Variants in FAT2 observed in about 807,000 individuals in gnomAD.
The protein encoded by FAT2 is FAT atypical cadherin 2, also known as protocadherin Fat 2.
A neutral mutation model predicts 295.3 loss-of-function variants in FAT2; 150 were observed. The ratio of observed to expected loss-of-function variants is 0.51; its 90% CI spans 0.44 to 0.58. The LOEUF is 0.58. FAT2 is among the 20% of genes least tolerant of loss of function. FAT2 has a pLI of 0.00. For missense variants in FAT2, 4,868 were observed against 5,442.7 expected (o/e 0.89, Z 3.32); for synonymous variants, 2,026 against 2,150.3 (o/e 0.94, Z 1.60).
chr5:151,544,200 A>G lies in FAT2; in HGVS notation c.6927T>C (p.Tyr2309=), dbSNP rs1375319201. The G allele has an allele frequency of 2.5e-6, 4 of 1,614,194 alleles. No homozygotes were observed. Among genetic ancestry groups the G allele is most frequent in the Non-Finnish European group, 3.4e-6 (4 of 1,180,038 alleles). Residue 2309 remains tyrosine (Y), a synonymous_variant, in exon 10 of 24, where the codon TAT becomes TAC. Coordinates refer to ENST00000261800, the MANE Select transcript of FAT2 (RefSeq NM_001447.3). ...QDSGRNRDVS[Y]QIVEDGSDVS... is the part of the protein sequence containing the mutation. The stretch of plus-strand genomic sequence containing the variant: ...CATCTGAGCCATCCTCCACAATCTG[A>G]TAAGAGACGTCACGGTTCCGCCCTG...
rs936095044 is a variant in FAT2 at position 151,521,178 on chromosome 5, G to A, written c.11317+98C>T. The A allele has an allele frequency of 1.8e-5, 24 of 1,315,026 alleles. No homozygotes were observed. The African/African-American group carries it at 3.5e-4, about 19-fold the overall frequency. 81.5% of individuals were successfully genotyped at this position (1,315,026 alleles called of 1,614,324 possible). A position where few individuals can be genotyped will look rare whatever the true frequency, so the allele number is the denominator to read the frequency against. On this transcript the variant is annotated intron_variant, in intron 19 of 23. Transcript: ENST00000261800. ...CCTTTGGGCTTATTAAAACTTCCCT[G>A]AACTCTCCCACAGAGCCTCAGTGGA...
rs1754343994 is a variant in FAT2, at chr5:151,529,282, T to C, written c.9922A>G (p.Met3308Val). The C allele has an allele frequency of 6.2e-7, 1 of 1,613,834 alleles. No homozygotes were observed. Among genetic ancestry groups the C allele is most frequent in the Non-Finnish European group, 8.5e-7 (1 of 1,179,826 alleles). ...TCATTGACATCAGTGATGTTGACCA[T>C]GACTGTGGTCACGTCACTGAGGGAA... ...SSSLSDVTTV[M>V]VNITDVNEHR... Residue 3308 changes from methionine to valine, a missense_variant, in exon 15 of 24, where the codon ATG becomes GTG. By Grantham distance (21) the Met-to-Val change is conservative (BLOSUM62 1). Transcript: ENST00000261800.
chr5:151,542,343 T>C lies in FAT2; in HGVS notation c.8784A>G (p.Leu2928=), dbSNP rs745384278. 67 of 1,613,812 alleles carry C rather than the reference T, an allele frequency of 4.2e-5. No homozygotes were observed. The highest frequency in any genetic ancestry group is 5.4e-5 in the Non-Finnish European group (64 of 1,179,910). ...NSEPGELVAT[L]KTLDADISEQ... ...CAGAAATGTCAGCATCCAGGGTCTT[T>C]AGAGTCGCCACCAGTTCGCCAGGCT... The change falls in exon 10 of 24, where the codon CTA becomes CTG. Residue 2928 remains leucine (L), a synonymous_variant. Coordinates refer to ENST00000261800, the MANE Select transcript of FAT2 (RefSeq NM_001447.3).
chr5:151,592,074 A>G (rs1030070025), upstream of FAT2, among the ~76,000 whole-genome samples: 8 of 152,362 alleles, frequency 5.3e-5, no homozygotes, highest in African/African-American at 1.9e-4. Context: ...TGTGCATCAC[A>G]AAGCACGGTG....
chr5:151,559,250 T>C (rs1757917823), intron 3 of FAT2, among the ~76,000 whole-genome samples: 1 of 152,122 alleles, frequency 6.6e-6, no homozygotes, highest in Non-Finnish European at 1.5e-5. Flanking sequence ...ATTCCGGCTT[T>C]TTCTTCCCTA....
Position 151,566,979 on chromosome 5 carries a change from G to A in FAT2, c.1953C>T (p.Pro651=). 6.2e-7 allele frequency: 1 copy of A among 1,614,052 alleles called. No individual in the cohort carries two copies. The highest frequency in any genetic ancestry group is 8.5e-7 in the Non-Finnish European group (1 of 1,179,982). Reference sequence around the variant, plus strand: ...TCACCACAGTAATATTCAAAGTTGTGGGTGAGGCATAGTTTTTGCCATCTG... The same window carrying A: ...TCACCACAGTAATATTCAAAGTTGTAGGTGAGGCATAGTTTTTGCCATCTG... ...TASDGKNYAS[P]TTLNITVVKD... is the part of the protein sequence containing the mutation. The change falls in exon 2 of 24, where the codon CCC becomes CCT. Residue 651 remains proline (P), a synonymous_variant. Transcript: ENST00000261800.
intron 20 of FAT2, among the ~76,000 whole-genome samples, chr5:151,514,555 C>T (rs1308807006): frequency 6.6e-6 from 1 of 152,218 alleles, no homozygotes; most frequent in Non-Finnish European, 1.5e-5. Context: ...TGCTCACGAG[C>T]CTCTCTTTAA....
chr5:151,588,013 T>C (rs192842267), intron 1 of FAT2, among the ~76,000 whole-genome samples: 2,261 of 152,266 alleles, frequency 0.015, 31 homozygotes, highest in Non-Finnish European at 0.018. Context: ...ATCTGTAAAA[T>C]GGGAGCAATG....
chr5:151,511,994 T>C, intron 21 of FAT2, 171 bp downstream of exon 21: 1 of 624,548 alleles, frequency 1.6e-6, no homozygotes, highest in Non-Finnish European at 2.8e-6. Context: ...GGAAGACTCC[T>C]GGCTTCCCCT....
At chr5:151,549,154 C>T (rs995628790) in intron 9 of FAT2, 141 bp downstream of exon 9, 4 of 719,890 alleles carry the variant, frequency 5.6e-6, no homozygotes, top group African/African-American at 1.8e-5. Flanking sequence ...TAGGTAGTCC[C>T]AGGGAATGCT....
rs769868324 is a variant in FAT2, at chr5:151,566,758, A to G, written c.2174T>C (p.Leu725Pro). 4 of 1,614,178 alleles carry G rather than the reference A, an allele frequency of 2.5e-6. No individual in the cohort carries two copies. Among genetic ancestry groups the G allele is most frequent in the Non-Finnish European group, 3.4e-6 (4 of 1,180,018 alleles). Residue 725 changes from leucine to proline, a missense_variant, in exon 2 of 24, where the codon CTT becomes CCT. Physicochemically the swap from Leu to Pro is moderately conservative, Grantham distance 98 (BLOSUM62 -3). This residue lies in a region of FAT2 where 3,297 missense variants were observed against 3,669.4 expected (regional missense o/e 0.90). Transcript: ENST00000261800. ...GGGGGTGTTGATAGGGACACTCTCA[A>G]GGACATCAATGGATTGGGGGAAGTG... Reference protein sequence around the residue: ...EDHFPQSIDVLESVPINTPLA... With the variant: ...EDHFPQSIDVPESVPINTPLA...
rs764136718 is a variant in FAT2, at chr5:151,546,119, G to T, written c.5008C>A (p.Pro1670Thr). Residue 1670 changes from proline to threonine, a missense_variant, in exon 10 of 24, where the codon CCT (proline) becomes ACT (threonine). This residue lies in a region of FAT2 where 3,297 missense variants were observed against 3,669.4 expected (regional missense o/e 0.90). Coordinates refer to ENST00000261800, the MANE Select transcript of FAT2 (RefSeq NM_001447.3). ...FSKSEYFVEI[P>T]ESIPVGSPIL... Reference sequence around the variant, plus strand: ...GGGGAACCAACAGGGATTGATTCAGGGATCTCTACAAAGTACTCAGATTTT... The same window carrying T: ...GGGGAACCAACAGGGATTGATTCAGTGATCTCTACAAAGTACTCAGATTTT... 1 of 1,614,048 alleles carries T rather than the reference G, an allele frequency of 6.2e-7. No homozygotes were observed. Among genetic ancestry groups the T allele is most frequent in the Admixed American group, 1.7e-5 (1 of 60,012 alleles).
At position 151,567,337 on chromosome 5, in the gene FAT2, C is replaced by T. The variant is rs1416933434; in HGVS notation, c.1595G>A (p.Arg532Gln). The change falls in exon 2 of 24, where the codon CGG (arginine) becomes CAG (glutamine). Residue 532 changes from arginine to glutamine, a missense_variant. Transcript: ENST00000261800. The part of the protein sequence containing the change: ...YELMKRIYTF[R>Q]VRASDWGSPF... The stretch of plus-strand genomic sequence containing the variant: ...GGATCCCCAGTCTGATGCTCTTACC[C>T]GGAAGGTATAAATTCTTTTCATGAG... 2.0e-5 allele frequency: 33 copies of T among 1,614,042 alleles called. No individual in the cohort carries two copies. Among genetic ancestry groups the T allele is most frequent in the East Asian group, 4.5e-5 (2 of 44,900 alleles).
intron 1 of FAT2, among the ~76,000 whole-genome samples, chr5:151,587,884 A>T (rs115521587): frequency 2.4e-3 from 365 of 152,352 alleles, no homozygotes; most frequent in African/African-American, 8.4e-3. Flanking sequence ...GTAGAAGAGA[A>T]GGAGTTTGTA....
At position 151,512,801 on chromosome 5, in the gene FAT2, C is replaced by T; in HGVS notation, c.11464-195G>A. The T allele has an allele frequency of 3.3e-6, 2 of 600,528 alleles. No homozygotes were observed. Among genetic ancestry groups the T allele is most frequent in the Admixed American group, 3.0e-5 (1 of 33,672 alleles). 37.2% of individuals were successfully genotyped at this position (600,528 alleles called of 1,614,324 possible). On this transcript the variant is annotated intron_variant, in intron 20 of 23. Transcript: ENST00000261800. The surrounding 1 kb of genome is among the most constrained non-coding windows in gnomAD (Gnocchi z 4.1). Reference sequence around the variant, plus strand: ...TGTTGATGGTCTCCTTTGTTCTCACCACACCCCATGGGATGGTCTGGGTAG... The same window carrying T: ...TGTTGATGGTCTCCTTTGTTCTCACTACACCCCATGGGATGGTCTGGGTAG...
At position 151,566,098 on chromosome 5, in the gene FAT2, G is replaced by A. The variant is rs754239771; in HGVS notation, c.2834C>T (p.Thr945Ile). 1.2e-6 allele frequency: 2 copies of A among 1,614,178 alleles called. No individual in the cohort carries two copies. The highest frequency in any genetic ancestry group is 1.7e-6 in the Non-Finnish European group (2 of 1,180,042). ...PEDLPPGTVL[T>I]FLDASDPDLG... is the part of the protein sequence containing the mutation. ...GTCAGGATCAGAGGCATCCAGAAATGTCAAGACAGTCCCGGGGGGCAGGTC... is the reference window on the plus strand; with the variant it reads ...GTCAGGATCAGAGGCATCCAGAAATATCAAGACAGTCCCGGGGGGCAGGTC... Residue 945 changes from threonine to isoleucine, a missense_variant, in exon 2 of 24, where the codon ACA becomes ATA. Thr to Ile is a moderately conservative substitution (Grantham distance 89, BLOSUM62 -1). Transcript: ENST00000261800.
intron 10 of FAT2, 55 bp downstream of exon 10, chr5:151,542,230 C>T (rs1756219709): frequency 6.6e-7 from 1 of 1,507,992 alleles, no homozygotes; most frequent in Non-Finnish European, 8.9e-7. Flanking sequence ...GGCACCTCTT[C>T]CTGGATGTTT....
At chr5:151,565,647 A>ACGCCCCCC in intron 2 of FAT2, 26 bp downstream of exon 2, 19 of 1,461,026 alleles carry the variant, frequency 1.3e-5, no homozygotes, top group Non-Finnish European at 1.5e-5. Context: ...TGGCCCTGGC[A>ACGCCCCCC]CCCCACCCTA....
At position 151,517,720 on chromosome 5, in the gene FAT2, G is replaced by A. The variant is rs2127575832; in HGVS notation, c.11363C>T (p.Ala3788Val). 1 of 1,614,192 alleles carries A rather than the reference G, an allele frequency of 6.2e-7. No individual in the cohort carries two copies. The highest frequency in any genetic ancestry group is 8.5e-7 in the Non-Finnish European group (1 of 1,180,032). The change falls in exon 20 of 24, where the codon GCC (alanine) becomes GTC (valine). Residue 3788 changes from alanine to valine, a missense_variant. By Grantham distance (64) the Ala-to-Val change is moderately conservative. Transcript: ENST00000261800. ...GATGTGCCAGTTCCGAGCCGCTGGG[G>A]CCCTGTACCGCACATAGCTCTGACC... ...FSGQSYVRYR[A>V]PAARNWHIHF...
Sources: gnomAD v4.1 joint callset for allele counts (sites outside exome capture counted in the v4.1 genomes callset) on GRCh38, gnomAD v4.1.1 for gene constraint, gnomAD v4.1.1 regional missense constraint, Gnocchi (gnomAD v3.1) non-coding constraint, MANE v1.5 for transcripts, NCBI Gene and HGNC (gene_info 2026-07-23, HGNC 2026-07-21) for gene names.